Variants in DGKB observed in about 807,000 individuals in gnomAD.
DGKB encodes the protein diacylglycerol kinase beta.
A neutral mutation model predicts 114.3 loss-of-function variants in DGKB; 67 were observed. The ratio of observed to expected loss-of-function variants is 0.59; its 90% CI spans 0.48 to 0.72. The LOEUF (loss-of-function observed/expected upper bound fraction) is 0.72, where lower values mean the gene tolerates loss of function less well. Among genes scored for constraint, DGKB ranks in the 30% least tolerant of loss-of-function variants. The pLI is 0.00. For synonymous variants in DGKB, 398 were observed against 323.1 expected, an observed-to-expected ratio of 1.23 and a Z score of -2.49; for missense variants, 907 against 975.2, an observed-to-expected ratio of 0.93 and a Z score of 0.93.
intron 23 of DGKB, among the ~76,000 whole-genome samples, chr7:14,314,471 A>G (rs964385670): frequency 1.6e-4 from 25 of 152,192 alleles, no homozygotes; most frequent in Admixed American, 7.8e-4. Context: ...AGGCTCGAGA[A>G]CTACGTGAAG....
At chr7:14,658,544 A>G (rs919043505) in intron 13 of DGKB, among the ~76,000 whole-genome samples, 6 of 151,904 alleles carry the variant, frequency 3.9e-5, no homozygotes, top group Admixed American at 6.6e-5. Flanking sequence ...CACACATTGT[A>G]TGTTTCAAAA....
chr7:14,251,027 C>T (rs1007803376), intron 23 of DGKB, among the ~76,000 whole-genome samples: 10 of 152,090 alleles, frequency 6.6e-5, no homozygotes, highest in Non-Finnish European at 1.3e-4. Flanking sequence ...GTCCTTCAAG[C>T]TAAAGTGAGT....
At chr7:14,857,325 G>C (rs914394267) in intron 1 of DGKB, among the ~76,000 whole-genome samples, 1 of 144,660 alleles carries the variant, frequency 6.9e-6, no homozygotes, top group African/African-American at 2.6e-5. Context: ...ACAGGTTCAA[G>C]GGAATACATT....
chr7:14,583,956 GATAGTGATATA>G (rs796256550), intron 17 of DGKB, among the ~76,000 whole-genome samples: 4 of 152,288 alleles, frequency 2.6e-5, no homozygotes, highest in African/African-American at 9.6e-5. Flanking sequence ...CATAACAACT[GATAGTGATATA>G]ATATGCAACT....
intron 21 of DGKB, among the ~76,000 whole-genome samples, chr7:14,404,671 C>T (rs1823654111): frequency 6.6e-6 from 1 of 151,852 alleles, no homozygotes; most frequent in Admixed American, 6.6e-5. Context: ...TCTGCATCAC[C>T]TCATCTTGCT....
Position 14,356,670 on chromosome 7 carries a change from A to G in DGKB, c.1836-11279T>C, listed in dbSNP as rs530831448. On this transcript the variant is annotated intron_variant, in intron 21 of 25. Transcript: ENST00000402815. ...CCACCACGCCCGGGCTTGCTTCTCT[A>G]GTTCTTTTAATTATGATGTTAGGGT... 1.0e-3 allele frequency among the ~76,000 whole-genome samples: 159 copies of G among 152,048 alleles called. 1 individual carries two copies. In the Middle Eastern group the frequency reaches 0.017, roughly 16 times the overall value.
chr7:14,312,276 A>G (rs564799933), intron 23 of DGKB, among the ~76,000 whole-genome samples: 1 of 152,302 alleles, frequency 6.6e-6, no homozygotes, highest in South Asian at 2.1e-4. Context: ...CAGTTCTGCA[A>G]ATGTGGTCTT....
chr7:14,675,445 T>A (rs1377474983), intron 12 of DGKB, among the ~76,000 whole-genome samples: 4 of 152,030 alleles, frequency 2.6e-5, no homozygotes, highest in Non-Finnish European at 5.9e-5. Context: ...TAGGCTAGTT[T>A]CCCAGAAGGA....
intron 21 of DGKB, among the ~76,000 whole-genome samples, chr7:14,460,279 C>T (rs767521399): frequency 4.0e-5 from 6 of 151,876 alleles, no homozygotes; most frequent in Non-Finnish European, 7.4e-5. Flanking sequence ...GGGGGAAATG[C>T]CCTAATCAAA....
intron 12 of DGKB, among the ~76,000 whole-genome samples, chr7:14,675,003 A>G (rs1585557571): frequency 6.6e-6 from 1 of 152,190 alleles, no homozygotes; most frequent in African/African-American, 2.4e-5. Context: ...AACCAAAGAG[A>G]GATTATGGGT....
chr7:14,853,731 G>T (rs1268954692), intron 1 of DGKB, among the ~76,000 whole-genome samples: 1 of 151,494 alleles, frequency 6.6e-6, no homozygotes, highest in South Asian at 2.1e-4. Context: ...AGCCGGGAGT[G>T]GTGGTGGGCG....
At chr7:14,289,625 A>C (rs1487125726) in intron 23 of DGKB, among the ~76,000 whole-genome samples, 1 of 152,076 alleles carries the variant, frequency 6.6e-6, no homozygotes, top group Non-Finnish European at 1.5e-5. Flanking sequence ...CTATGCCATA[A>C]TAAAGAAGAA....
At chr7:14,755,884 C>CT (rs1834801324) in intron 3 of DGKB, among the ~76,000 whole-genome samples, 1 of 151,878 alleles carries the variant, frequency 6.6e-6, no homozygotes, top group Admixed American at 6.6e-5. Context: ...TGAGATCTAA[C>CT]TTTTTGTTTT....
At chr7:14,663,339 TATCA>T (rs756757597) in intron 13 of DGKB, among the ~76,000 whole-genome samples, 15 of 152,064 alleles carry the variant, frequency 9.9e-5, no homozygotes, top group Non-Finnish European at 2.2e-4. Flanking sequence ...ATAGGTGGTT[TATCA>T]ATAGACTTAG....
At chr7:14,439,493 A>G (rs919436525) in intron 21 of DGKB, among the ~76,000 whole-genome samples, 3 of 152,190 alleles carry the variant, frequency 2.0e-5, no homozygotes, top group Admixed American at 2.0e-4. Context: ...CTCTCTCCTC[A>G]TAGATAACCA....
chr7:14,178,224 A>G, intron 23 of DGKB, 73 bp from the exon 24 acceptor site: 3 of 1,488,380 alleles, frequency 2.0e-6, no homozygotes, highest in Non-Finnish European at 2.7e-6. Flanking sequence ...ATTTGATATT[A>G]TGGAGATTAA....
chr7:14,537,888 C>T (rs996581440), intron 20 of DGKB, among the ~76,000 whole-genome samples: 14 of 152,060 alleles, frequency 9.2e-5, no homozygotes, highest in African/African-American at 2.7e-4. Flanking sequence ...TGAGACCAGG[C>T]TGACCAACAT....
intron 23 of DGKB, chr7:14,269,218 G>T (rs1242705301): frequency 6.6e-6 from 1 of 152,260 alleles, no homozygotes; most frequent in Admixed American, 6.6e-5. Flanking sequence ...AGGAAGAAAG[G>T]AGGAAGCTGC....
intron 23 of DGKB, among the ~76,000 whole-genome samples, chr7:14,189,828 A>C (rs1231890597): frequency 1.3e-5 from 2 of 152,186 alleles, no homozygotes; most frequent in Non-Finnish European, 2.9e-5. Context: ...ATATATAATG[A>C]GAAAGGGATC....
Sources: allele counts gnomAD v4.1 joint callset (sites outside exome capture counted in the v4.1 genomes callset), GRCh38; gene constraint gnomAD v4.1.1; transcripts MANE v1.5; gene names NCBI Gene and HGNC (gene_info 2026-07-23, HGNC 2026-07-21).